The following RHBG variants were observed in gnomAD, a reference collection of about 807,000 sequenced individuals.
RHBG encodes Rh family B glycoprotein.
Under a neutral mutation model 40.1 loss-of-function variants are expected in RHBG, and 39 were observed. The ratio of observed to expected loss-of-function variants is 0.97; its 90% CI spans 0.75 to 1.27. RHBG has a LOEUF of 1.27. Ranked by LOEUF, RHBG falls within the 50% of genes most tolerant of loss-of-function variation. RHBG has a pLI of 0.00. For synonymous variants in RHBG, 237 were observed against 252.5 expected (o/e 0.94, Z 0.58); for missense variants, 549 against 588.1 (o/e 0.93, Z 0.69).
chr1:156,369,587 C>CT (rs56027890), intron 1 of RHBG, 151 bp downstream of exon 1: 49,643 of 803,572 alleles, frequency 0.062, 1,918 homozygotes, highest in Non-Finnish European at 0.071. Flanking sequence ...AAATCTCACC[C>CT]TTTCACTAGT....
intron 8 of RHBG, among the ~76,000 whole-genome samples, chr1:156,384,254 A>G (rs1667882695): frequency 6.6e-6 from 1 of 152,220 alleles, no homozygotes; most frequent in Non-Finnish European, 1.5e-5. Context: ...CAAATTATTT[A>G]ACTTCTCTGA....
At position 156,383,975 on chromosome 1, in the gene RHBG, A is replaced by G. The variant is rs900089733; in HGVS notation, c.1235-552A>G. The stretch of plus-strand genomic sequence containing the variant: ...CAGCCTCCCAAGTATCTGGGATTAC[A>G]GGCGACCCCCACCACACCCGGCTAA... On this transcript the variant is annotated intron_variant, in intron 8 of 9. Coordinates refer to ENST00000537040, the MANE Select transcript of RHBG (RefSeq NM_020407.5). 8.6e-5 allele frequency among the ~76,000 whole-genome samples: 13 copies of G among 151,716 alleles called. No individual in the cohort carries two copies. In the East Asian group the frequency reaches 1.4e-3, roughly 16 times the overall value.
At chr1:156,381,713 C>T (rs1033451984) in intron 5 of RHBG, 93 bp from the exon 6 acceptor site, 29 of 1,495,246 alleles carry the variant, frequency 1.9e-5, no homozygotes, top group Non-Finnish European at 2.5e-5. Context: ...AGAGGGACTT[C>T]CAGAAGCAGT....
At chr1:156,378,521 T>C (rs1380840152) in intron 4 of RHBG, 122 bp downstream of exon 4, 2 of 1,197,722 alleles carry the variant, frequency 1.7e-6, no homozygotes, top group Non-Finnish European at 1.2e-6. Context: ...TCACTTCCCA[T>C]TTGGATTCTG....
Position 156,384,698 on chromosome 1 carries a change from C to T in RHBG, c.1309-79C>T, listed in dbSNP as rs1667927314. 8 of 1,540,040 alleles carry T rather than the reference C, an allele frequency of 5.2e-6. No individual in the cohort carries two copies. The Admixed American group carries it at 1.1e-4, about 21-fold the overall frequency. On this transcript the variant is annotated intron_variant, in intron 9 of 9. Transcript: ENST00000537040. ...TTCTTCCTTCCTTGCTGCTCCTTCT[C>T]CTCTGGGGTACACCCCTGAACTGTG...
At chr1:156,370,511 C>T (rs1316121885) in intron 1 of RHBG, among the ~76,000 whole-genome samples, 2 of 142,124 alleles carry the variant, frequency 1.4e-5, no homozygotes, top group East Asian at 4.2e-4. Flanking sequence ...ACTTGGGAGG[C>T]TGAGGCAGGA....
rs1051885259 is a variant in RHBG at position 156,381,280 on chromosome 1, A to C, written c.674-67A>C. On this transcript the variant is annotated intron_variant, in intron 4 of 9. Transcript: ENST00000537040. ...GAGGGTAGGTGATTTGCCTGCAGTT[A>C]TACAACTTGTACCTTGCGTGGGAGT... 1.3e-5 allele frequency: 20 copies of C among 1,534,878 alleles called. No homozygotes were observed. The African/African-American group carries it at 2.6e-4, about 20-fold the overall frequency.
intron 4 of RHBG, 94 bp from the exon 5 acceptor site, chr1:156,381,253 C>A: frequency 7.7e-7 from 1 of 1,298,300 alleles, no homozygotes; most frequent in Non-Finnish European, 1.1e-6. Flanking sequence ...ACTGAGGCTG[C>A]TGAGGGTAGG....
chr1:156,380,443 C>T (rs1667542099), intron 4 of RHBG, among the ~76,000 whole-genome samples: 1 of 152,016 alleles, frequency 6.6e-6, no homozygotes, highest in African/African-American at 2.4e-5. Flanking sequence ...AGTGTTCTGG[C>T]CGGATGCAGT....
Position 156,377,698 on chromosome 1 carries a change from G to A in RHBG, c.374+211G>A, listed in dbSNP as rs1423457981. On this transcript the variant is annotated intron_variant, in intron 2 of 9. Coordinates refer to ENST00000537040, the MANE Select transcript of RHBG (RefSeq NM_020407.5). This position sits in a 1 kb window ranked among gnomAD's most constrained non-coding sequence, Gnocchi z 4.6. ...TCAGCTCCACCTCCTCAGTCTTTAG[G>A]GCCCTTGTTCCCCAAGAGCTGTGGA... 1.3e-5 allele frequency among the ~76,000 whole-genome samples: 2 copies of A among 152,000 alleles called. No individual in the cohort carries two copies. Among genetic ancestry groups the A allele is most frequent in the African/African-American group, 4.8e-5 (2 of 41,374 alleles).
At chr1:156,375,746 C>T (rs1667145991) in intron 1 of RHBG, among the ~76,000 whole-genome samples, 2 of 145,810 alleles carry the variant, frequency 1.4e-5, no homozygotes, top group South Asian at 4.4e-4. Flanking sequence ...TTTTCTTTTT[C>T]TTTTTTTTTT....
intron 8 of RHBG, chr1:156,384,317 T>C (rs1667891170): frequency 1.6e-6 from 1 of 644,068 alleles, no homozygotes; most frequent in Admixed American, 2.5e-5. Flanking sequence ...GCAGGGTTGT[T>C]GTGATTACTC....
chr1:156,382,074 C>T lies in RHBG; in HGVS notation c.985C>T (p.Leu329Phe), dbSNP rs1294326218. ...TLGYKFFTPI[L>F]ESKFKVQDTC... ...GATCTGTCTTGCCCTCCAGCCCATCCTTGAATCAAAATTCAAAGTCCAAGA... is the reference window on the plus strand; with the variant it reads ...GATCTGTCTTGCCCTCCAGCCCATCTTTGAATCAAAATTCAAAGTCCAAGA... Residue 329 changes from leucine (L) to phenylalanine (F), a missense_variant, in exon 7 of 10, where the codon CTT (leucine) becomes TTT (phenylalanine). By Grantham distance (22) the Leu-to-Phe change is conservative. This residue lies in a region of RHBG where 399 missense variants were observed against 417.0 expected (regional missense o/e 0.96). Transcript: ENST00000537040. The T allele has an allele frequency of 1.4e-5, 22 of 1,610,148 alleles. No individual in the cohort carries two copies. Among genetic ancestry groups the T allele is most frequent in the Non-Finnish European group, 1.8e-5 (21 of 1,176,950 alleles).
chr1:156,369,379 C>G lies in RHBG; in HGVS notation c.130C>G (p.Leu44Val). ...VRYNHKTDAA[L>V]WHRSNHSNAD... is the part of the protein sequence containing the mutation. ...CTACAACCACAAAACCGACGCTGCC[C>G]TCTGGCACCGGAGCAACCACAGTAA... The change falls in exon 1 of 10, where the codon CTC (leucine) becomes GTC (valine). Residue 44 changes from leucine to valine, a missense_variant. Coordinates refer to ENST00000537040, the MANE Select transcript of RHBG (RefSeq NM_020407.5). The G allele has an allele frequency of 6.2e-7, 1 of 1,614,196 alleles. No individual in the cohort carries two copies. The highest frequency in any genetic ancestry group is 8.5e-7 in the Non-Finnish European group (1 of 1,180,026).
At chr1:156,381,259 G>T in intron 4 of RHBG, 88 bp from the exon 5 acceptor site, 1 of 1,337,372 alleles carries the variant, frequency 7.5e-7, no homozygotes, top group Non-Finnish European at 1.1e-6. Flanking sequence ...GCTGCTGAGG[G>T]TAGGTGATTT....
chr1:156,376,608 C>T (rs1462618409), intron 1 of RHBG, among the ~76,000 whole-genome samples: 2 of 152,130 alleles, frequency 1.3e-5, no homozygotes, highest in East Asian at 3.9e-4. Context: ...AAGCAGTCCA[C>T]CCGCCTTGGC....
At chr1:156,371,242 C>G (rs1173372903) in intron 1 of RHBG, 2 of 377,030 alleles carry the variant, frequency 5.3e-6, no homozygotes, top group Non-Finnish European at 1.0e-5. Context: ...TCACTGCAAC[C>G]TTCACCTCCC....
intron 8 of RHBG, among the ~76,000 whole-genome samples, chr1:156,383,877 A>G (rs1571023479): frequency 7.9e-6 from 1 of 126,436 alleles, no homozygotes; most frequent in East Asian, 2.3e-4. Context: ...CTTGTAGCCC[A>G]GGCTGGAGTG....
chr1:156,371,322 G>C, intron 1 of RHBG: 1 of 317,214 alleles, frequency 3.2e-6, no homozygotes. Flanking sequence ...AAAACACCTA[G>C]ATAAGTTTTG....
Sources: allele counts gnomAD v4.1 joint callset (sites outside exome capture counted in the v4.1 genomes callset), GRCh38; gene constraint gnomAD v4.1.1; regional missense constraint gnomAD v4.1.1; non-coding constraint Gnocchi (gnomAD v3.1); transcripts MANE v1.5; gene names NCBI Gene and HGNC (gene_info 2026-07-23, HGNC 2026-07-21).